Variants in DNAH12 observed in about 807,000 individuals in gnomAD.
The protein encoded by DNAH12 is axonemal beta dynein heavy chain 12.
A neutral mutation model predicts 371.5 loss-of-function variants in DNAH12; 285 were observed. The ratio of observed to expected loss-of-function variants is 0.77; its 90% CI spans 0.70 to 0.85. DNAH12 has a LOEUF of 0.85. Ranked by LOEUF, DNAH12 falls within the 40% of genes least tolerant of loss-of-function variation. DNAH12 has a pLI of 0.00. For synonymous variants in DNAH12, 1,200 were observed against 1,213.0 expected (o/e 0.99, Z 0.22); for missense variants, 3,611 against 3,689.4 (o/e 0.98, Z 0.55).
rs2064011660 is a variant in DNAH12, at chr3:57,405,920, G to T, written c.6309C>A (p.Pro2103=). The T allele has an allele frequency of 6.5e-7, 1 of 1,545,672 alleles. No individual in the cohort carries two copies. The highest frequency in any genetic ancestry group is 2.0e-5 in the Admixed American group (1 of 50,914). The change falls in exon 41 of 74, where the codon CCC becomes CCA. Residue 2103 remains proline (P), a synonymous_variant. Coordinates refer to ENST00000495027, the MANE Select transcript of DNAH12 (RefSeq NM_001366028.2). ...AAGTATAATGGGATTTTGTGGGAGT[G>T]GGTAAAAGATTTTCCACAGATTGTT... is the stretch of plus-strand genomic sequence containing the variant. ...IYKQSVENLL[P]TPTKSHYTFN... is the part of the protein sequence containing the mutation.
chr3:57,502,400 AAC>A lies in DNAH12; in HGVS notation c.1164_1165del (p.Leu389ThrfsTer5), dbSNP rs2067584133. 1 of 1,614,054 alleles carries A rather than the reference AAC, an allele frequency of 6.2e-7. No individual in the cohort carries two copies. Among genetic ancestry groups the A allele is most frequent in the Non-Finnish European group, 8.5e-7 (1 of 1,180,036 alleles). On this transcript the variant is annotated frameshift_variant, in exon 10 of 74. Coordinates refer to ENST00000495027, the MANE Select transcript of DNAH12 (RefSeq NM_001366028.2). LOFTEE classifies it high-confidence loss of function. ...CTTCAGTGTATCAACAGCCCAGTGT[AAC>A]ACGTGTTCAGGAAGTTCTGTGTCAA...
At chr3:57,380,663 C>T (rs1238736965) in intron 50 of DNAH12, among the ~76,000 whole-genome samples, 3 of 152,110 alleles carry the variant, frequency 2.0e-5, no homozygotes, top group African/African-American at 7.2e-5. Context: ...GGGGGTTTCA[C>T]CATGTTGGCC....
chr3:57,408,557 AT>A, intron 39 of DNAH12, 22 bp from the exon 40 acceptor site: 1 of 1,496,748 alleles, frequency 6.7e-7, no homozygotes, highest in Non-Finnish European at 8.9e-7. Flanking sequence ...CACACAAAAA[AT>A]TTAGATTATC....
chr3:57,344,160 C>T (rs1323657611), intron 60 of DNAH12, among the ~76,000 whole-genome samples: 8 of 152,292 alleles, frequency 5.3e-5, no homozygotes, highest in Non-Finnish European at 8.8e-5. Flanking sequence ...CTCAGTCTCT[C>T]GTCCCACCCA....
chr3:57,336,679 T>A (rs188034990), intron 60 of DNAH12, among the ~76,000 whole-genome samples: 2,340 of 152,220 alleles, frequency 0.015, 26 homozygotes, highest in Middle Eastern at 0.065. Context: ...AAGATTTTTT[T>A]AAAAAATCAT....
chr3:57,325,731 G>C (rs932249004), intron 62 of DNAH12, among the ~76,000 whole-genome samples: 3 of 152,234 alleles, frequency 2.0e-5, no homozygotes, highest in Admixed American at 1.3e-4. Flanking sequence ...GAGTGACTTT[G>C]ACGAGTTGAG....
chr3:57,363,293 C>T (rs1000566612), intron 58 of DNAH12, among the ~76,000 whole-genome samples: 8 of 151,948 alleles, frequency 5.3e-5, no homozygotes, highest in Non-Finnish European at 8.8e-5. Flanking sequence ...AATAATAATA[C>T]CTATCTGATA....
intron 4 of DNAH12, among the ~76,000 whole-genome samples, chr3:57,517,078 G>A (rs1284782955): frequency 6.6e-6 from 1 of 152,022 alleles, no homozygotes; most frequent in Non-Finnish European, 1.5e-5. Flanking sequence ...TCAACCCCAG[G>A]TCTTTCCACG....
intron 32 of DNAH12, 135 bp downstream of exon 32, chr3:57,433,232 A>T: frequency 8.9e-7 from 1 of 1,125,756 alleles, no homozygotes; most frequent in South Asian, 2.5e-5. Flanking sequence ...TGAAAAGAGA[A>T]TTTATAAACC....
chr3:57,375,083 A>G (rs1338049172), intron 55 of DNAH12, among the ~76,000 whole-genome samples: 1 of 152,176 alleles, frequency 6.6e-6, no homozygotes, highest in Non-Finnish European at 1.5e-5. Flanking sequence ...AGAATAAAAC[A>G]TAAGCAAATA....
At chr3:57,358,420 T>A (rs889529123) in intron 58 of DNAH12, among the ~76,000 whole-genome samples, 4 of 108,334 alleles carry the variant, frequency 3.7e-5, no homozygotes, top group Admixed American at 2.8e-4. Flanking sequence ...AGACAGAGAG[T>A]ACAGAAACTT....
chr3:57,300,740 T>A (rs2061327908), intron 70 of DNAH12, among the ~76,000 whole-genome samples: 3 of 152,282 alleles, frequency 2.0e-5, no homozygotes, highest in African/African-American at 7.2e-5. Context: ...GAAAGAAAGC[T>A]TTTGTGCAAT....
chr3:57,462,462 G>A (rs1035423461), intron 18 of DNAH12, among the ~76,000 whole-genome samples: 2 of 151,974 alleles, frequency 1.3e-5, no homozygotes, highest in African/African-American at 4.8e-5. Context: ...ATGTTGGCCA[G>A]GCTGGTCTCA....
At chr3:57,502,636 G>A (rs1325324570) in intron 9 of DNAH12, among the ~76,000 whole-genome samples, 157 bp from the exon 10 acceptor site, 2 of 151,584 alleles carry the variant, frequency 1.3e-5, no homozygotes, top group Admixed American at 6.6e-5. Context: ...TGCAACCTCC[G>A]CCTCCCAGGT....
intron 70 of DNAH12, among the ~76,000 whole-genome samples, chr3:57,300,189 C>A (rs1410457321): frequency 6.6e-6 from 1 of 152,162 alleles, no homozygotes; most frequent in Admixed American, 6.5e-5. Flanking sequence ...AATAAATCTG[C>A]CTTTCTTTAC....
chr3:57,465,462 A>G (rs2066172943), intron 17 of DNAH12, among the ~76,000 whole-genome samples: 1 of 152,184 alleles, frequency 6.6e-6, no homozygotes, highest in South Asian at 2.1e-4. Flanking sequence ...AAGACATTAC[A>G]AGAAAACTAA....
chr3:57,299,611 T>A (rs2061304852), intron 70 of DNAH12, among the ~76,000 whole-genome samples: 1 of 152,182 alleles, frequency 6.6e-6, no homozygotes, highest in South Asian at 2.1e-4. Context: ...GTGATGGTAT[T>A]TGGAGATGGA....
chr3:57,509,177 G>T lies in DNAH12; in HGVS notation c.505C>A (p.Leu169Ile). 6.2e-7 allele frequency: 1 copy of T among 1,613,740 alleles called. No individual in the cohort carries two copies. The highest frequency in any genetic ancestry group is 8.5e-7 in the Non-Finnish European group (1 of 1,179,916). ...SVLVKPPVKS[L>I]EDEGGPLPES... Reference sequence around the variant, plus strand: ...GGTAAAGGACCTCCTTCATCTTCAAGCGATTTAACTGGTGGTTTCACAAGA... The same window carrying T: ...GGTAAAGGACCTCCTTCATCTTCAATCGATTTAACTGGTGGTTTCACAAGA... The change falls in exon 6 of 74, where the codon CTT becomes ATT. Residue 169 changes from leucine to isoleucine, a missense_variant. Physicochemically the swap from Leu to Ile is conservative, Grantham distance 5 (BLOSUM62 2). This residue lies in a region of DNAH12 where 1,314 missense variants were observed against 1,398.7 expected (regional missense o/e 0.94). Coordinates refer to ENST00000495027, the MANE Select transcript of DNAH12 (RefSeq NM_001366028.2).
chr3:57,475,725 C>A (rs1001586171), intron 13 of DNAH12, among the ~76,000 whole-genome samples: 1 of 152,098 alleles, frequency 6.6e-6, no homozygotes, highest in Non-Finnish European at 1.5e-5. Context: ...TAGGAAAATG[C>A]AAATTGAAAA....
Sources: allele counts gnomAD v4.1 joint callset (sites outside exome capture counted in the v4.1 genomes callset), GRCh38; gene constraint gnomAD v4.1.1; regional missense constraint gnomAD v4.1.1; transcripts MANE v1.5; gene names NCBI Gene and HGNC (gene_info 2026-07-23, HGNC 2026-07-21).